TBCE: variants seen among roughly 807,000 people sequenced by gnomAD.
TBCE encodes tubulin-specific chaperone E.
TBCE carries 53 observed loss-of-function variants against 77.0 expected under a neutral mutation model. The observed-to-expected ratio is 0.69, with a 90% confidence interval of 0.55 to 0.87. The LOEUF (loss-of-function observed/expected upper bound fraction) is 0.87, where lower values mean the gene tolerates loss of function less well. Ranked by LOEUF, TBCE falls within the 40% of genes least tolerant of loss-of-function variation. TBCE has a pLI of 0.00. For missense variants in TBCE, 624 were observed against 622.4 expected (o/e 1.00, Z -0.03); for synonymous variants, 235 against 241.3 (o/e 0.97, Z 0.24).
chr1:235,430,720 A>C lies in TBCE; in HGVS notation c.576A>C (p.Lys192Asn), dbSNP rs758446148. Residue 192 changes from lysine (K) to asparagine (N), a missense_variant, in exon 7 of 17, where the codon AAA (lysine) becomes AAC (asparagine). Physicochemically the swap from Lys to Asn is moderately conservative, Grantham distance 94 (BLOSUM62 0). Transcript: ENST00000642610. ...TTCTACACAGTGAAAATAAACTAAA[A>C]TTTCCCTCCGGTTCAGTATTAACTG... ...EVLNVSENKL[K>N]FPSGSVLTGT... The C allele has an allele frequency of 2.5e-6, 4 of 1,613,168 alleles. No individual in the cohort carries two copies. The Admixed American group carries it at 5.0e-5, about 20-fold the overall frequency.
Position 235,401,547 on chromosome 1 carries a change from C to G in TBCE, c.145C>G (p.His49Asp), listed in dbSNP as rs1203477502. 1 of 1,613,882 alleles carries G rather than the reference C, an allele frequency of 6.2e-7. No individual in the cohort carries two copies. The highest frequency in any genetic ancestry group is 8.5e-7 in the Non-Finnish European group (1 of 1,179,890). The stretch of plus-strand genomic sequence containing the variant: ...ATGGGACAATCCCGAGAGAGGAAAG[C>G]ATGATGGGAGCCACGAAGGGACTGT... ...VEWDNPERGK[H>D]DGSHEGTVYF... The change falls in exon 3 of 17, where the codon CAT becomes GAT. Residue 49 changes from histidine to aspartate, a missense_variant. His to Asp is a moderately conservative substitution (Grantham distance 81). Coordinates refer to ENST00000642610, the MANE Select transcript of TBCE (RefSeq NM_003193.5).
intron 4 of TBCE, among the ~76,000 whole-genome samples, chr1:235,417,819 C>T (rs1175553873): frequency 1.3e-5 from 2 of 152,154 alleles, no homozygotes; most frequent in African/African-American, 4.8e-5. Context: ...TCTTGTTACC[C>T]AGGCTGGAGC....
chr1:235,369,951 T>A (rs1415014832), intron 1 of TBCE, among the ~76,000 whole-genome samples: 1 of 152,176 alleles, frequency 6.6e-6, no homozygotes, highest in Non-Finnish European at 1.5e-5. Context: ...CTCTACTGTA[T>A]GGTCTCCTCA....
chr1:235,380,660 T>C (rs1446304608), intron 2 of TBCE, among the ~76,000 whole-genome samples: 2 of 152,136 alleles, frequency 1.3e-5, no homozygotes, highest in Non-Finnish European at 2.9e-5. Flanking sequence ...ATTTCTTAAT[T>C]ATTACATTTA....
At chr1:235,407,360 A>C (rs1348562064) in intron 3 of TBCE, among the ~76,000 whole-genome samples, 1 of 152,066 alleles carries the variant, frequency 6.6e-6, no homozygotes, top group Non-Finnish European at 1.5e-5. Flanking sequence ...TGCTGGGATT[A>C]CAGGTGTTAC....
At chr1:235,441,499 C>G (rs772163080) in intron 13 of TBCE, 2 of 342,458 alleles carry the variant, frequency 5.8e-6, no homozygotes, top group Non-Finnish European at 1.1e-5. Flanking sequence ...GTCAGGACAC[C>G]TAAGGAACAA....
chr1:235,438,535 G>A (rs867247655), intron 12 of TBCE, among the ~76,000 whole-genome samples: 8 of 138,642 alleles, frequency 5.8e-5, no homozygotes, highest in African/African-American at 1.1e-4. Flanking sequence ...GCGACACAGC[G>A]AGACTCCATC....
At chr1:235,440,537 C>T (rs891444111) in intron 13 of TBCE, among the ~76,000 whole-genome samples, 6 of 152,056 alleles carry the variant, frequency 3.9e-5, no homozygotes, top group African/African-American at 1.2e-4. Flanking sequence ...GGATTACAGG[C>T]GTCTGCCACC....
chr1:235,380,958 A>C (rs890465269), intron 2 of TBCE, among the ~76,000 whole-genome samples: 2 of 151,704 alleles, frequency 1.3e-5, no homozygotes, highest in East Asian at 3.9e-4. Context: ...ACTAATTTTG[A>C]ATTTTTAGGG....
chr1:235,427,820 A>C (rs1572414223), intron 6 of TBCE, among the ~76,000 whole-genome samples: 1 of 151,584 alleles, frequency 6.6e-6, no homozygotes, highest in African/African-American at 2.4e-5. Context: ...CACCTGAGGT[A>C]AGGAGTTTGA....
chr1:235,395,499 C>T (rs2102845213), intron 2 of TBCE, among the ~76,000 whole-genome samples: 1 of 151,858 alleles, frequency 6.6e-6, no homozygotes, highest in South Asian at 2.1e-4. Context: ...CTCTCTCCCC[C>T]TGCCCAGCCC....
At chr1:235,371,038 CTTTTTTTTTTTTT>C (rs71174417) in intron 1 of TBCE, among the ~76,000 whole-genome samples, 39 of 23,308 alleles carry the variant, frequency 1.7e-3, no homozygotes, top group East Asian at 8.6e-3. Flanking sequence ...TCACGCCTGG[CTTTTTTTTTTTTT>C]TTTTTTTTTT....
chr1:235,384,557 G>A (rs1385108686), intron 2 of TBCE, among the ~76,000 whole-genome samples: 2 of 149,014 alleles, frequency 1.3e-5, no homozygotes, highest in Non-Finnish European at 3.0e-5. Flanking sequence ...GGGTGTATGT[G>A]TCGAGGAATT....
chr1:235,407,754 C>T (rs1372060803), intron 3 of TBCE, among the ~76,000 whole-genome samples: 1 of 152,180 alleles, frequency 6.6e-6, no homozygotes, highest in African/African-American at 2.4e-5. Context: ...GCGCCAGTCA[C>T]CCGTGTCCTT....
intron 3 of TBCE, among the ~76,000 whole-genome samples, chr1:235,403,667 T>A (rs1419863368): frequency 6.6e-6 from 1 of 152,212 alleles, no homozygotes; most frequent in East Asian, 1.9e-4. Context: ...TTGCTTCAAG[T>A]CCTGGGTGAT....
chr1:235,414,233 G>C (rs1276686381), intron 3 of TBCE, among the ~76,000 whole-genome samples, 200 bp from the exon 4 acceptor site: 1 of 152,068 alleles, frequency 6.6e-6, no homozygotes, highest in Non-Finnish European at 1.5e-5. Context: ...TATTTAAAGG[G>C]ATTTAACATG....
At chr1:235,428,310 C>G (rs187044271) in intron 6 of TBCE, among the ~76,000 whole-genome samples, 1 of 152,076 alleles carries the variant, frequency 6.6e-6, no homozygotes. Context: ...GGCGACAGAG[C>G]GAGACTCCAT....
intron 2 of TBCE, among the ~76,000 whole-genome samples, chr1:235,390,374 T>G (rs1553332384): frequency 6.6e-6 from 1 of 151,982 alleles, no homozygotes; most frequent in Non-Finnish European, 1.5e-5. Context: ...TAGATGGAAT[T>G]AAGGTTGCTA....
intron 2 of TBCE, among the ~76,000 whole-genome samples, chr1:235,387,523 C>G (rs532255595): frequency 6.6e-6 from 1 of 152,200 alleles, no homozygotes; most frequent in Non-Finnish European, 1.5e-5. Flanking sequence ...CTCCCCCAGC[C>G]GCGCTGCTGC....
Sources: gnomAD v4.1 joint callset for allele counts (sites outside exome capture counted in the v4.1 genomes callset) on GRCh38, gnomAD v4.1.1 for gene constraint, MANE v1.5 for transcripts, NCBI Gene and HGNC (gene_info 2026-07-23, HGNC 2026-07-21) for gene names.